Variants in KSR2 observed in about 807,000 individuals in gnomAD.
The protein encoded by KSR2 is kinase suppressor of ras 2.
In KSR2, 25 loss-of-function variants were observed where a neutral mutation model predicts 107.8. That is an observed-to-expected ratio of 0.23 (90% CI 0.17 to 0.32). KSR2 has a LOEUF of 0.32. Ranked by LOEUF, KSR2 falls within the 10% of genes least tolerant of loss-of-function variation. KSR2 has a pLI of 1.00. For missense variants in KSR2, 887 were observed against 1,268.9 expected (o/e 0.70, Z 4.57); for synonymous variants, 480 against 507.0 (o/e 0.95, Z 0.71).
intron 1 of KSR2, among the ~76,000 whole-genome samples, chr12:117,923,236 A>C (rs867383382): frequency 7.2e-5 from 11 of 152,270 alleles, no homozygotes; most frequent in African/African-American, 7.2e-5. Flanking sequence ...CTATCTATCT[A>C]TATCTATCTA....
intron 4 of KSR2, among the ~76,000 whole-genome samples, chr12:117,737,802 A>G (rs932971765): frequency 6.8e-6 from 1 of 147,474 alleles, no homozygotes; most frequent in African/African-American, 2.6e-5. Flanking sequence ...AAAAAAAAAA[A>G]AAAGACTTTT....
chr12:117,643,538 G>A (rs1405527066), intron 5 of KSR2, among the ~76,000 whole-genome samples: 1 of 152,214 alleles, frequency 6.6e-6, no homozygotes, highest in Non-Finnish European at 1.5e-5. Context: ...AAAAAAGGAT[G>A]CAGGATATGA....
chr12:117,836,587 G>A (rs1368627459), intron 3 of KSR2, among the ~76,000 whole-genome samples: 2 of 152,190 alleles, frequency 1.3e-5, no homozygotes, highest in African/African-American at 4.8e-5. Flanking sequence ...GGAAGAGGCT[G>A]GACCCGTGGC....
intron 11 of KSR2, 136 bp downstream of exon 11, chr12:117,531,530 C>T: frequency 1.4e-6 from 1 of 720,482 alleles, no homozygotes; most frequent in Non-Finnish European, 2.3e-6. Flanking sequence ...CAGCCATTAT[C>T]CTGGAGTGTG....
intron 4 of KSR2, among the ~76,000 whole-genome samples, chr12:117,697,039 T>C (rs1886091696): frequency 6.6e-6 from 1 of 152,164 alleles, no homozygotes; most frequent in Admixed American, 6.5e-5. Context: ...ACATTGATAT[T>C]TCAATGCGCC....
In KSR2 at chr12:117,586,542, G is replaced by A. The variant is rs12321138; in HGVS notation, c.1172-4183C>T. 8.1e-3 allele frequency among the ~76,000 whole-genome samples: 1,204 copies of A among 148,102 alleles called. 19 individuals carry two copies. Among genetic ancestry groups the A allele is most frequent in the African/African-American group, 0.027 (1,100 of 40,032 alleles). ...GCAGAGGTTGCAGTGAGCCAAGGTC[G>A]CGCCATTGCACTCCAGCCTGGGCAA... is the stretch of plus-strand genomic sequence containing the variant. On this transcript the variant is annotated intron_variant, in intron 5 of 19. Coordinates refer to ENST00000339824, the MANE Select transcript of KSR2 (RefSeq NM_173598.6).
At chr12:117,876,114 G>C (rs74768873) in intron 1 of KSR2, among the ~76,000 whole-genome samples, 5,418 of 152,298 alleles carry the variant, frequency 0.036, 181 homozygotes, top group East Asian at 0.18. Flanking sequence ...CGGGTGAGCA[G>C]ACCCCGTGCG....
chr12:117,753,630 T>C (rs991750304), intron 4 of KSR2, among the ~76,000 whole-genome samples: 1 of 151,652 alleles, frequency 6.6e-6, no homozygotes, highest in South Asian at 2.1e-4. Context: ...CATGGACACA[T>C]AGAGGGGAAC....
At chr12:117,505,538 A>G (rs1873628836) in intron 14 of KSR2, among the ~76,000 whole-genome samples, 1 of 152,242 alleles carries the variant, frequency 6.6e-6, no homozygotes, top group Non-Finnish European at 1.5e-5. Context: ...AAACAGTGAC[A>G]ATCACATTCT....
In KSR2 at chr12:117,458,463, T is replaced by C. The variant is rs1272298221; in HGVS notation, c.*8736A>G. The C allele has an allele frequency of 2.0e-5, 3 of 152,156 alleles. No individual in the cohort carries two copies. The highest frequency in any genetic ancestry group is 4.8e-5 in the African/African-American group (2 of 41,424). The allele number at this position is 152,156 out of a possible 1,614,324, so 9.4% of individuals were successfully genotyped here. On this transcript the variant is annotated 3_prime_UTR_variant, in exon 20 of 20. Coordinates refer to ENST00000339824, the MANE Select transcript of KSR2 (RefSeq NM_173598.6). ...AAGATTTGTTTTTAATCATTAGACT[T>C]TCAAATTTAAGAAGGCGCGATGCAA...
chr12:117,853,459 C>A (rs1892992815), intron 3 of KSR2, among the ~76,000 whole-genome samples: 1 of 152,138 alleles, frequency 6.6e-6, no homozygotes, highest in Non-Finnish European at 1.5e-5. Context: ...CCTCCCACTT[C>A]AGCCTCCCAA....
At chr12:117,957,372 T>G (rs1038191176) in intron 1 of KSR2, among the ~76,000 whole-genome samples, 4 of 151,892 alleles carry the variant, frequency 2.6e-5, no homozygotes, top group African/African-American at 4.8e-5. Context: ...CTGAAGAAAA[T>G]CGTTCTATTT....
intron 1 of KSR2, among the ~76,000 whole-genome samples, chr12:117,919,903 G>A (rs1181624308): frequency 6.6e-6 from 1 of 152,094 alleles, no homozygotes; most frequent in Non-Finnish European, 1.5e-5. Flanking sequence ...GAAATTTGAG[G>A]GTTGTTTATT....
At chr12:117,902,629 G>C (rs931302010) in intron 1 of KSR2, among the ~76,000 whole-genome samples, 1 of 151,858 alleles carries the variant, frequency 6.6e-6, no homozygotes, top group African/African-American at 2.4e-5. Context: ...AGCATTAGGA[G>C]AAACACCTAA....
At chr12:117,959,227 C>T (rs910880800) in intron 1 of KSR2, among the ~76,000 whole-genome samples, 2 of 152,202 alleles carry the variant, frequency 1.3e-5, no homozygotes, top group African/African-American at 4.8e-5. Context: ...TCCAAGCTCA[C>T]ACATCCAGCT....
At chr12:117,710,794 C>A (rs896087345) in intron 4 of KSR2, among the ~76,000 whole-genome samples, 2 of 151,878 alleles carry the variant, frequency 1.3e-5, no homozygotes, top group Non-Finnish European at 2.9e-5. Context: ...GCATGCTCTG[C>A]CCCCTTCATA....
intron 1 of KSR2, among the ~76,000 whole-genome samples, chr12:117,967,278 G>A (rs1896826136): frequency 6.6e-6 from 1 of 152,056 alleles, no homozygotes; most frequent in Admixed American, 6.6e-5. Context: ...TTCTGCCGGA[G>A]AGAATGTCAC....
chr12:117,695,404 C>A (rs1421305307), intron 4 of KSR2, among the ~76,000 whole-genome samples: 3 of 151,670 alleles, frequency 2.0e-5, no homozygotes, highest in Non-Finnish European at 4.4e-5. Context: ...TATTTTGCTG[C>A]AATAAAATAA....
In KSR2 at chr12:117,455,030, C is replaced by CAGAGAGAGAGAGAGAGAGAGAG. The variant is rs1246200364; in HGVS notation, c.*12168_*12169insCTCTCTCTCTCTCTCTCTCTCT. 21 of 120,162 alleles carry CAGAGAGAGAGAGAGAGAGAGAG rather than the reference C, an allele frequency of 1.7e-4. No homozygotes were observed. Among genetic ancestry groups the CAGAGAGAGAGAGAGAGAGAGAG allele is most frequent in the South Asian group, 5.3e-4 (2 of 3,784 alleles). 7.4% of individuals were successfully genotyped at this position (120,162 alleles called of 1,614,324 possible). ...AGACAGAGACAGACACAGAGACAGA[C>CAGAGAGAGAGAGAGAGAGAGAG]AGACAGAGAGAGAGAGAGAGAGAGA... On this transcript the variant is annotated 3_prime_UTR_variant, in exon 20 of 20. Coordinates refer to ENST00000339824, the MANE Select transcript of KSR2 (RefSeq NM_173598.6).
Sources: allele counts gnomAD v4.1 joint callset (sites outside exome capture counted in the v4.1 genomes callset), GRCh38; gene constraint gnomAD v4.1.1; transcripts MANE v1.5; gene names NCBI Gene and HGNC (gene_info 2026-07-23, HGNC 2026-07-21).